The following CRPPA variants were observed in gnomAD, a reference collection of about 807,000 sequenced individuals.
The protein encoded by CRPPA is D-ribitol-5-phosphate cytidylyltransferase.
CRPPA carries 43 observed loss-of-function variants against 52.0 expected under a neutral mutation model. That is an observed-to-expected ratio of 0.83 (90% CI 0.65 to 1.07). The LOEUF is 1.07. CRPPA is among the 50% of genes least tolerant of loss of function. CRPPA has a pLI of 0.00. For synonymous variants in CRPPA, 250 were observed against 203.5 expected (o/e 1.23, Z -1.94); for missense variants, 629 against 551.7 (o/e 1.14, Z -1.40).
intron 9 of CRPPA, among the ~76,000 whole-genome samples, chr7:16,181,602 A>G (rs1404382719): frequency 1.3e-5 from 2 of 152,008 alleles, no homozygotes. Flanking sequence ...TCATTGCTAT[A>G]ATCCTAATCA....
At chr7:16,302,713 T>C (rs1221469590) in intron 4 of CRPPA, among the ~76,000 whole-genome samples, 2 of 152,088 alleles carry the variant, frequency 1.3e-5, no homozygotes, top group Non-Finnish European at 2.9e-5. Flanking sequence ...AGGTGTTGGG[T>C]TGGAATTTCA....
chr7:16,149,325 G>A lies in CRPPA; in HGVS notation c.1252-57526C>T, dbSNP rs544260298. ...TGTAACAGATTTGAATAGTGAGGAC[G>A]TTGAAACATTTTCACTTTATCCTGC... On this transcript the variant is annotated intron_variant, in intron 9 of 9. Coordinates refer to ENST00000407010, the MANE Select transcript of CRPPA (RefSeq NM_001101426.4). Among the ~76,000 whole-genome samples, 3 of 152,236 alleles carry A rather than the reference G, an allele frequency of 2.0e-5. No homozygotes were observed. The South Asian group carries it at 6.2e-4, about 32-fold the overall frequency.
chr7:16,210,528 G>A (rs1275755707), intron 9 of CRPPA: 1 of 152,144 alleles, frequency 6.6e-6, no homozygotes. Context: ...CAAGCCTCCA[G>A]CCAGGAGCTC....
chr7:16,397,772 G>A (rs1209138174), intron 2 of CRPPA, among the ~76,000 whole-genome samples: 12 of 152,164 alleles, frequency 7.9e-5, no homozygotes, highest in South Asian at 4.1e-4. Flanking sequence ...TGATTGGCAC[G>A]TGACCAACAC....
In CRPPA at chr7:16,087,937, T is replaced by C. The variant is rs1302676977; in HGVS notation, c.*3758A>G. 1.3e-5 allele frequency: 2 copies of C among 152,176 alleles called. No individual in the cohort carries two copies. The highest frequency in any genetic ancestry group is 1.3e-4 in the Admixed American group (2 of 15,280). 9.4% of individuals were successfully genotyped at this position (152,176 alleles called of 1,614,324 possible). On this transcript the variant is annotated 3_prime_UTR_variant, in exon 10 of 10. Transcript: ENST00000407010. ...ATTCTGTAATTTGATTTTTATAAGA[T>C]GATCACTGTATTTACATAAAGTTGA...
chr7:16,113,840 A>C (rs1782315152), intron 9 of CRPPA, among the ~76,000 whole-genome samples: 1 of 152,040 alleles, frequency 6.6e-6, no homozygotes, highest in African/African-American at 2.4e-5. Context: ...ACTCACATGG[A>C]AGGAAAATAA....
intron 4 of CRPPA, among the ~76,000 whole-genome samples, chr7:16,304,469 C>T (rs1046190880): frequency 2.4e-4 from 36 of 151,980 alleles, no homozygotes; most frequent in Admixed American, 2.3e-3. Flanking sequence ...AGTGACACCC[C>T]GTCTCTACTA....
chr7:16,370,552 C>G (rs893674134), intron 3 of CRPPA, among the ~76,000 whole-genome samples: 1 of 152,116 alleles, frequency 6.6e-6, no homozygotes, highest in African/African-American at 2.4e-5. Context: ...AAGTCCCATT[C>G]CTAGGGAAAG....
At chr7:16,366,587 A>G (rs542133354) in intron 3 of CRPPA, among the ~76,000 whole-genome samples, 72 of 152,304 alleles carry the variant, frequency 4.7e-4, no homozygotes, top group African/African-American at 1.5e-3. Flanking sequence ...AAAGTAATTT[A>G]TGCTTTTAGG....
intron 9 of CRPPA, among the ~76,000 whole-genome samples, chr7:16,200,790 C>A (rs570246878): frequency 1.3e-5 from 2 of 152,204 alleles, no homozygotes; most frequent in African/African-American, 4.8e-5. Context: ...ACAATGCAGA[C>A]CTAACAGACA....
intron 3 of CRPPA, among the ~76,000 whole-genome samples, chr7:16,363,317 A>C (rs1037188534): frequency 7.1e-4 from 108 of 152,328 alleles, no homozygotes; most frequent in Non-Finnish European, 2.8e-4. Flanking sequence ...AGCAAATTAT[A>C]AAAAGAAGAA....
intron 9 of CRPPA, among the ~76,000 whole-genome samples, chr7:16,171,701 G>A (rs1160130895): frequency 6.6e-6 from 1 of 152,200 alleles, no homozygotes; most frequent in Non-Finnish European, 1.5e-5. Context: ...GCTGAGGCAG[G>A]AGAACTGCGT....
At chr7:16,400,075 G>A (rs1013749153) in intron 2 of CRPPA, among the ~76,000 whole-genome samples, 2 of 152,102 alleles carry the variant, frequency 1.3e-5, no homozygotes, top group African/African-American at 4.8e-5. Flanking sequence ...GATCGGCAAC[G>A]TGTATGACAT....
chr7:16,174,512 A>G (rs148314633), intron 9 of CRPPA, among the ~76,000 whole-genome samples: 10 of 152,288 alleles, frequency 6.6e-5, no homozygotes, highest in African/African-American at 2.4e-4. Context: ...CCATGCAAAA[A>G]ATCCACTTCC....
intron 9 of CRPPA, among the ~76,000 whole-genome samples, chr7:16,153,615 T>C (rs954034131): frequency 1.3e-5 from 2 of 152,154 alleles, no homozygotes; most frequent in Non-Finnish European, 1.5e-5. Context: ...TCCTATACTT[T>C]TGTCACATGA....
At chr7:16,351,118 G>A (rs1390070334) in intron 3 of CRPPA, among the ~76,000 whole-genome samples, 1 of 152,016 alleles carries the variant, frequency 6.6e-6, no homozygotes, top group Non-Finnish European at 1.5e-5. Context: ...TAAGAGATAT[G>A]AAAGGAAATG....
intron 6 of CRPPA, among the ~76,000 whole-genome samples, chr7:16,264,226 T>A (rs961491711): frequency 1.3e-5 from 2 of 152,186 alleles, no homozygotes; most frequent in Non-Finnish European, 2.9e-5. Flanking sequence ...CTAAGCATCA[T>A]CATATGCTGT....
At chr7:16,161,660 G>A (rs1780891668) in intron 9 of CRPPA, among the ~76,000 whole-genome samples, 1 of 152,022 alleles carries the variant, frequency 6.6e-6, no homozygotes, top group Admixed American at 6.6e-5. Context: ...TTTTGTGTGT[G>A]TCTCTGCCAA....
In CRPPA at chr7:16,202,396, A is replaced by G. The variant is rs569013590; in HGVS notation, c.1251+13670T>C. On this transcript the variant is annotated intron_variant, in intron 9 of 9. Transcript: ENST00000407010. ...TGAAAAAGTACTACTACTCAAATCT[A>G]TGATGTCCTTATACAGCTTATAAGT... Among the ~76,000 whole-genome samples the G allele has an allele frequency of 4.4e-4, 67 of 152,286 alleles. 1 individual carries two copies. Among genetic ancestry groups the G allele is most frequent in the Admixed American group, 1.2e-3 (19 of 15,280 alleles).
Sources: gnomAD v4.1 joint callset for allele counts (sites outside exome capture counted in the v4.1 genomes callset) on GRCh38, gnomAD v4.1.1 for gene constraint, MANE v1.5 for transcripts, NCBI Gene and HGNC (gene_info 2026-07-23, HGNC 2026-07-21) for gene names.